CSMD2: variants seen among roughly 807,000 people sequenced by gnomAD.
CSMD2 encodes CUB and Sushi multiple domains 2, also known as CUB and sushi domain-containing protein 2.
CSMD2 carries 130 observed loss-of-function variants against 398.5 expected under a neutral mutation model. The observed-to-expected ratio is 0.33, with a 90% confidence interval of 0.28 to 0.38. CSMD2 has a LOEUF of 0.38. Among genes scored for constraint, CSMD2 ranks in the 10% least tolerant of loss-of-function variants. The pLI, the probability that CSMD2 is intolerant of heterozygous loss-of-function variation, is 1.00. For missense variants in CSMD2, 3,829 were observed against 4,764.9 expected, an observed-to-expected ratio of 0.80 and a Z score of 5.78; for synonymous variants, 1,828 against 1,908.5, an observed-to-expected ratio of 0.96 and a Z score of 1.10.
At chr1:33,621,619 G>A (rs1641777888) in intron 37 of CSMD2, among the ~76,000 whole-genome samples, 1 of 152,164 alleles carries the variant, frequency 6.6e-6, no homozygotes, top group Non-Finnish European at 1.5e-5. Context: ...GTCCCAGTAT[G>A]CAAGCAGTTT....
At chr1:33,773,148 G>T (rs1651507437) in intron 12 of CSMD2, among the ~76,000 whole-genome samples, 1 of 152,162 alleles carries the variant, frequency 6.6e-6, no homozygotes, top group Admixed American at 6.6e-5. Flanking sequence ...GAAGTCTTTG[G>T]AGACTTCCTC....
At position 33,541,123 on chromosome 1, in the gene CSMD2, G is replaced by A. The variant is rs955911051; in HGVS notation, c.9457+7C>T. The A allele has an allele frequency of 6.2e-7, 1 of 1,613,366 alleles. No homozygotes were observed. The highest frequency in any genetic ancestry group is 8.5e-7 in the Non-Finnish European group (1 of 1,179,708). On this transcript the variant is annotated splice_region_variant and intron_variant, in intron 59 of 70. Coordinates refer to ENST00000373381, the MANE Select transcript of CSMD2 (RefSeq NM_001281956.2). ...CTCTCTGTCCACATTTGCAGCCCCAGACACACCTTTGCAGACGGGCTTGGT... is the reference window on the plus strand; with the variant it reads ...CTCTCTGTCCACATTTGCAGCCCCAAACACACCTTTGCAGACGGGCTTGGT...
intron 19 of CSMD2, 123 bp from the exon 20 acceptor site, chr1:33,716,624 C>T (rs933360246): frequency 1.5e-6 from 1 of 668,412 alleles, no homozygotes; most frequent in African/African-American, 1.8e-5. Flanking sequence ...TGACTACAAG[C>T]ATGCATTGAC....
chr1:33,662,772 A>T, intron 26 of CSMD2, 118 bp downstream of exon 26: 1 of 930,994 alleles, frequency 1.1e-6, no homozygotes, highest in Non-Finnish European at 1.7e-6. Context: ...GGCACATAGC[A>T]GATGTTCAAT....
intron 37 of CSMD2, 148 bp downstream of exon 37, chr1:33,622,019 T>C: frequency 1.5e-6 from 1 of 680,478 alleles, no homozygotes; most frequent in Non-Finnish European, 2.6e-6. Context: ...AGACCTTCTC[T>C]GGGCTTTAGC....
chr1:33,703,565 G>C (rs1234771182), intron 22 of CSMD2, among the ~76,000 whole-genome samples: 1 of 152,142 alleles, frequency 6.6e-6, no homozygotes, highest in Non-Finnish European at 1.5e-5. Context: ...CAAGATGGCT[G>C]GTTTCAAAAT....
Position 34,082,916 on chromosome 1 carries a change from G to A in CSMD2, c.404+6061C>T, listed in dbSNP as rs986532981. 7.9e-5 allele frequency among the ~76,000 whole-genome samples: 12 copies of A among 152,092 alleles called. 1 individual carries two copies. Among genetic ancestry groups the A allele is most frequent in the African/African-American group, 2.4e-4 (10 of 41,416 alleles). ...ACCACTCCCTAATCTCAAGTACCCA[G>A]GGACACAAACACTGCGGAAGGCCGC... On this transcript the variant is annotated intron_variant, in intron 2 of 70. Transcript: ENST00000373381.
rs775780441 is a variant in CSMD2 at position 33,662,930 on chromosome 1, G to A, written c.4215C>T (p.Asp1405=). The change falls in exon 26 of 71, where the codon GAC becomes GAT. Residue 1405 remains aspartate, a synonymous_variant. Coordinates refer to ENST00000373381, the MANE Select transcript of CSMD2 (RefSeq NM_001281956.2). ...FNSVVLQFST[D]FFTSKQGFAI... ...CAAAGCCCTGCTTGCTGGTGAAGAA[G>A]TCAGTGCTGAACTGCAGGACGACCG... is the stretch of plus-strand genomic sequence containing the variant. 1 of 1,614,110 alleles carries A rather than the reference G, an allele frequency of 6.2e-7. No homozygotes were observed. The highest frequency in any genetic ancestry group is 2.2e-5 in the East Asian group (1 of 44,890).
chr1:33,969,152 G>T (rs904023698), intron 3 of CSMD2, among the ~76,000 whole-genome samples: 1 of 152,196 alleles, frequency 6.6e-6, no homozygotes, highest in Non-Finnish European at 1.5e-5. Context: ...CAAATCCTGG[G>T]GAATGGCCAC....
chr1:34,115,193 A>AT (rs1217821042), intron 1 of CSMD2, among the ~76,000 whole-genome samples: 1 of 152,184 alleles, frequency 6.6e-6, no homozygotes, highest in Non-Finnish European at 1.5e-5. Flanking sequence ...TTTGAAAAAA[A>AT]TAACGGCTGA....
At chr1:33,976,928 G>C (rs1049975426) in intron 3 of CSMD2, among the ~76,000 whole-genome samples, 6 of 152,032 alleles carry the variant, frequency 3.9e-5, no homozygotes, top group African/African-American at 1.4e-4. Context: ...GTGGAGTTCA[G>C]AGCTTTTCCA....
intron 12 of CSMD2, among the ~76,000 whole-genome samples, chr1:33,782,693 ATTCTACATGCTT>A (rs1652939581): frequency 6.6e-6 from 1 of 152,214 alleles, no homozygotes; most frequent in Non-Finnish European, 1.5e-5. Context: ...TTACAATTTA[ATTCTACATGCTT>A]TTCTGAGCAT....
chr1:33,869,424 GAAA>G (rs1640288300), intron 5 of CSMD2: 1 of 152,184 alleles, frequency 6.6e-6, no homozygotes, highest in Non-Finnish European at 1.5e-5. Context: ...GGAAATGGAG[GAAA>G]TGGGTGGGCA....
At chr1:33,693,239 C>G (rs1571243234) in intron 24 of CSMD2, among the ~76,000 whole-genome samples, 183 bp from the exon 25 acceptor site, 1 of 152,098 alleles carries the variant, frequency 6.6e-6, no homozygotes, top group Admixed American at 6.5e-5. Flanking sequence ...TAAAGAACCC[C>G]TACAAATCAA....
At chr1:33,836,290 A>G (rs1157589894) in intron 6 of CSMD2, among the ~76,000 whole-genome samples, 1 of 152,144 alleles carries the variant, frequency 6.6e-6, no homozygotes, top group Non-Finnish European at 1.5e-5. Context: ...GGTGCCTCCC[A>G]GTTAGGCTAC....
Position 33,514,671 on chromosome 1 carries a change from A to T in CSMD2, c.*1953T>A, listed in dbSNP as rs1292068212. The T allele has an allele frequency of 6.6e-6, 1 of 152,176 alleles. No individual in the cohort carries two copies. The highest frequency in any genetic ancestry group is 1.5e-5 in the Non-Finnish European group (1 of 68,156). The allele number at this position is 152,176 out of a possible 1,614,324, so 9.4% of individuals were successfully genotyped here. A position where few individuals can be genotyped will look rare whatever the true frequency, so the allele number is the denominator to read the frequency against. Reference sequence around the variant, plus strand: ...AGGAGAGGAGTGTAAGGGGGAAGGGAGCATAAGAAATTGGGAGGGGAGCTT... The same window carrying T: ...AGGAGAGGAGTGTAAGGGGGAAGGGTGCATAAGAAATTGGGAGGGGAGCTT... On this transcript the variant is annotated 3_prime_UTR_variant, in exon 71 of 71. Coordinates refer to ENST00000373381, the MANE Select transcript of CSMD2 (RefSeq NM_001281956.2).
At chr1:33,905,500 C>G (rs1441860400) in intron 5 of CSMD2, among the ~76,000 whole-genome samples, 1 of 152,118 alleles carries the variant, frequency 6.6e-6, no homozygotes, top group Non-Finnish European at 1.5e-5. Flanking sequence ...AGGTTGCTGT[C>G]AATTTTAGCA....
chr1:33,685,293 G>GA (rs1186915724), intron 25 of CSMD2, among the ~76,000 whole-genome samples: 4 of 152,282 alleles, frequency 2.6e-5, no homozygotes, highest in South Asian at 2.1e-4. Flanking sequence ...TGTTCCAGGA[G>GA]AAAAATGAAC....
At chr1:33,521,698 G>C (rs1570606280) in intron 67 of CSMD2, 148 bp from the exon 68 acceptor site, 1 of 652,218 alleles carries the variant, frequency 1.5e-6, no homozygotes, top group African/African-American at 1.8e-5. Context: ...CCTAGGCAAG[G>C]GTGGGTGTGA....
Sources: allele counts gnomAD v4.1 joint callset (sites outside exome capture counted in the v4.1 genomes callset), GRCh38; gene constraint gnomAD v4.1.1; transcripts MANE v1.5; gene names NCBI Gene and HGNC (gene_info 2026-07-23, HGNC 2026-07-21).